SDK1: variants seen among roughly 807,000 people sequenced by gnomAD.
SDK1 encodes the protein sidekick cell adhesion molecule 1, also known as protein sidekick-1.
SDK1 carries 157 observed loss-of-function variants against 245.5 expected under a neutral mutation model. The observed-to-expected ratio is 0.64, with a 90% CI of 0.56 to 0.73. The LOEUF is 0.73. Ranked by LOEUF, SDK1 falls within the 30% of genes least tolerant of loss-of-function variation. The pLI is 0.00. For missense variants in SDK1, 3,583 were observed against 3,002.3 expected (o/e 1.19, Z -4.52); for synonymous variants, 1,647 against 1,278.5 (o/e 1.29, Z -6.15).
chr7:3,373,752 C>T (rs1408633961), intron 1 of SDK1, among the ~76,000 whole-genome samples: 1 of 151,914 alleles, frequency 6.6e-6, no homozygotes, highest in Non-Finnish European at 1.5e-5. Flanking sequence ...CAAAGGTCAA[C>T]AGACAAATGG....
chr7:3,906,730 C>T (rs1308097604), intron 5 of SDK1, among the ~76,000 whole-genome samples: 1 of 139,408 alleles, frequency 7.2e-6, no homozygotes, highest in Non-Finnish European at 1.5e-5. Context: ...CAGGTTCAAG[C>T]AATTATCCTG....
rs1191182951 is a variant in SDK1, at chr7:3,723,939, TATATAG to T, written c.713+81836_713+81841del. 2.0e-3 allele frequency among the ~76,000 whole-genome samples: 233 copies of T among 116,722 alleles called. 16 individuals carry two copies. Among genetic ancestry groups the T allele is most frequent in the African/African-American group, 6.5e-3 (198 of 30,416 alleles). The allele number at this position is 116,722 out of a possible 152,430, so 76.6% of individuals were successfully genotyped here. On this transcript the variant is annotated intron_variant, in intron 4 of 44. Coordinates refer to ENST00000404826, the MANE Select transcript of SDK1 (RefSeq NM_152744.4). ...ATATATACACGTATATATATATATATATATAGAGAGAGAGAGAGAGAGAGAGAGAGA... is the reference window on the plus strand; with the variant it reads ...ATATATACACGTATATATATATATATAGAGAGAGAGAGAGAGAGAGAGAGA...
chr7:3,958,230 A>G (rs113548660), intron 7 of SDK1: 174 of 282,870 alleles, frequency 6.2e-4, no homozygotes, highest in African/African-American at 3.6e-3. Context: ...TTAATACTTG[A>G]CAAACTTGGC....
chr7:3,397,500 A>G (rs1343769384), intron 1 of SDK1, among the ~76,000 whole-genome samples: 1 of 151,032 alleles, frequency 6.6e-6, no homozygotes, highest in Non-Finnish European at 1.5e-5. Context: ...AGCGCTTTGA[A>G]TATGTCACAT....
At chr7:4,147,146 G>A (rs941567276) in intron 29 of SDK1, among the ~76,000 whole-genome samples, 26 of 152,310 alleles carry the variant, frequency 1.7e-4, no homozygotes, top group Admixed American at 1.4e-3. Context: ...CCACTGCAGG[G>A]ATACTTGGAG....
intron 4 of SDK1, among the ~76,000 whole-genome samples, chr7:3,757,249 G>A (rs1041212920): frequency 4.6e-5 from 7 of 152,178 alleles, no homozygotes; most frequent in Admixed American, 2.6e-4. Context: ...CACTAGAACA[G>A]CTCACAGAAC....
At chr7:3,715,197 A>T (rs746779564) in intron 4 of SDK1, among the ~76,000 whole-genome samples, 1 of 152,170 alleles carries the variant, frequency 6.6e-6, no homozygotes, top group Admixed American at 6.5e-5. Context: ...AATATACTAG[A>T]TCGTCATAAA....
chr7:3,353,643 G>A (rs1583729363), intron 1 of SDK1, among the ~76,000 whole-genome samples: 4 of 152,162 alleles, frequency 2.6e-5, no homozygotes, highest in Admixed American at 2.6e-4. Context: ...GGAGCTGCCC[G>A]TCAAAGCCAG....
rs1254468509 is a variant in SDK1 at position 4,208,088 on chromosome 7, G to C, written c.5215-11G>C. The C allele has an allele frequency of 2.5e-6, 4 of 1,607,436 alleles. No individual in the cohort carries two copies. The highest frequency in any genetic ancestry group is 2.2e-5 in the East Asian group (1 of 44,762). ...CCAGGACCCACCCCAACCTCTTGCT[G>C]TTCCTAACAGATTTACTACTGGGAG... On this transcript the variant is annotated splice_polypyrimidine_tract_variant and intron_variant, in intron 36 of 44. Coordinates refer to ENST00000404826, the MANE Select transcript of SDK1 (RefSeq NM_152744.4).
intron 35 of SDK1, among the ~76,000 whole-genome samples, chr7:4,188,787 G>T (rs561359579): frequency 6.6e-6 from 1 of 152,030 alleles, no homozygotes; most frequent in Non-Finnish European, 1.5e-5. Context: ...TTCCAGAGAA[G>T]TTTTTTCCCC....
chr7:3,346,414 A>G (rs1436691499), intron 1 of SDK1, among the ~76,000 whole-genome samples: 2 of 152,072 alleles, frequency 1.3e-5, no homozygotes, highest in East Asian at 1.9e-4. Context: ...CAGCACTACA[A>G]CGTACGTATG....
intron 1 of SDK1, among the ~76,000 whole-genome samples, chr7:3,394,872 C>CT: frequency 6.6e-6 from 1 of 151,840 alleles, no homozygotes; most frequent in Non-Finnish European, 1.5e-5. Context: ...ACTAGATGTG[C>CT]TTTTTAAAAA....
chr7:3,613,535 A>C (rs532677665), intron 1 of SDK1, among the ~76,000 whole-genome samples: 9 of 152,192 alleles, frequency 5.9e-5, no homozygotes, highest in African/African-American at 1.9e-4. Context: ...GCATTTCTCT[A>C]ATGGTGGGAG....
chr7:4,047,483 A>G (rs1789105976), intron 17 of SDK1, among the ~76,000 whole-genome samples: 1 of 152,158 alleles, frequency 6.6e-6, no homozygotes, highest in Non-Finnish European at 1.5e-5. Flanking sequence ...TGATTTTGGT[A>G]TCAGGGTAAT....
chr7:3,914,707 G>A (rs989209168), intron 5 of SDK1, among the ~76,000 whole-genome samples: 1 of 152,298 alleles, frequency 6.6e-6, no homozygotes, highest in Admixed American at 6.5e-5. Flanking sequence ...GACATGGGCT[G>A]GGAGGTGTCT....
intron 5 of SDK1, among the ~76,000 whole-genome samples, chr7:3,842,236 G>A (rs892154404): frequency 6.6e-6 from 1 of 152,222 alleles, no homozygotes; most frequent in Non-Finnish European, 1.5e-5. Context: ...CACTGGCCCA[G>A]TTGTGGAGTT....
At chr7:3,898,076 G>T (rs2128104238) in intron 5 of SDK1, among the ~76,000 whole-genome samples, 1 of 152,292 alleles carries the variant, frequency 6.6e-6, no homozygotes, top group Non-Finnish European at 1.5e-5. Context: ...TTAGCATGAA[G>T]CAACTCATAT....
chr7:3,829,009 C>A (rs1482360030), intron 5 of SDK1, among the ~76,000 whole-genome samples: 2 of 152,046 alleles, frequency 1.3e-5, no homozygotes, highest in Non-Finnish European at 2.9e-5. Flanking sequence ...ATGATTAATA[C>A]AATTCTTTGA....
At chr7:3,791,397 T>C (rs938354225) in intron 4 of SDK1, among the ~76,000 whole-genome samples, 3 of 152,328 alleles carry the variant, frequency 2.0e-5, no homozygotes, top group East Asian at 1.9e-4. Context: ...AGCCATGTCA[T>C]ATGGACCAGC....
Sources: gnomAD v4.1 joint callset for allele counts (sites outside exome capture counted in the v4.1 genomes callset) on GRCh38, gnomAD v4.1.1 for gene constraint, MANE v1.5 for transcripts, NCBI Gene and HGNC (gene_info 2026-07-23, HGNC 2026-07-21) for gene names.